The following ZRANB3 variants were observed in gnomAD, a reference collection of about 807,000 sequenced individuals.
ZRANB3 encodes the protein zinc finger RANBP2-type containing 3.
Under a neutral mutation model 133.8 loss-of-function variants are expected in ZRANB3, and 125 were observed. The ratio of observed to expected loss-of-function variants is 0.93; its 90% confidence interval spans 0.81 to 1.08. The LOEUF (loss-of-function observed/expected upper bound fraction) is 1.08. ZRANB3 is among the 50% of genes least tolerant of loss of function. ZRANB3 has a pLI of 0.00. For synonymous variants in ZRANB3, 387 were observed against 432.7 expected (o/e 0.89, Z 1.31); for missense variants, 1,229 against 1,275.5 (o/e 0.96, Z 0.56).
intron 2 of ZRANB3, among the ~76,000 whole-genome samples, chr2:135,430,054 T>A (rs1390824758): frequency 6.6e-6 from 1 of 151,978 alleles, no homozygotes; most frequent in Non-Finnish European, 1.5e-5. Context: ...TGCACGCCTG[T>A]GGTCCCAGCT....
chr2:135,505,319 T>C (rs1484820613), intron 1 of ZRANB3, among the ~76,000 whole-genome samples: 2 of 152,168 alleles, frequency 1.3e-5, no homozygotes, highest in African/African-American at 4.8e-5. Flanking sequence ...CTCACGCCTG[T>C]AATCCTAGCA....
intron 2 of ZRANB3, among the ~76,000 whole-genome samples, chr2:135,480,992 A>G (rs1691770791): frequency 1.3e-5 from 2 of 150,796 alleles, no homozygotes; most frequent in African/African-American, 2.5e-5. Flanking sequence ...TATGTGCCAC[A>G]TTTTCTTAAT....
intron 1 of ZRANB3, among the ~76,000 whole-genome samples, chr2:135,523,503 G>C (rs546274870): frequency 6.6e-6 from 1 of 152,180 alleles, no homozygotes; most frequent in South Asian, 2.1e-4. Flanking sequence ...TTTATTTCAG[G>C]ACTCTAGCAT....
At position 135,230,655 on chromosome 2, in the gene ZRANB3, G is replaced by C; in HGVS notation, c.1812C>G (p.Leu604=). 1 of 1,613,752 alleles carries C rather than the reference G, an allele frequency of 6.2e-7. No individual in the cohort carries two copies. Among genetic ancestry groups the C allele is most frequent in the Non-Finnish European group, 8.5e-7 (1 of 1,179,832 alleles). Reference sequence around the variant, plus strand: ...CCTTGGCCTCCTGTACACTTTCCACGAGTGGAGTTCGGATTTGCTTGGACT... The same window carrying C: ...CCTTGGCCTCCTGTACACTTTCCACCAGTGGAGTTCGGATTTGCTTGGACT... The part of the protein sequence containing the change: ...PSQSKQIRTP[L]VESVQEAKAQ... The change falls in exon 13 of 21, where the codon CTC becomes CTG. Residue 604 remains leucine, a synonymous_variant. Coordinates refer to ENST00000264159, the MANE Select transcript of ZRANB3 (RefSeq NM_032143.4).
At position 135,272,936 on chromosome 2, in the gene ZRANB3, C is replaced by T. The variant is rs112369682; in HGVS notation, c.1087-1049G>A. On this transcript the variant is annotated intron_variant, in intron 9 of 20. Transcript: ENST00000264159. Reference sequence around the variant, plus strand: ...CGGTGTCTCACTTCTGCAATCCCAGCACTTTGGGAGGCCGAGGAGGATGGA... The same window carrying T: ...CGGTGTCTCACTTCTGCAATCCCAGTACTTTGGGAGGCCGAGGAGGATGGA... Among the ~76,000 whole-genome samples, 450 of 152,046 alleles carry T rather than the reference C, an allele frequency of 3.0e-3. 3 individuals carry two copies. The highest frequency in any genetic ancestry group is 0.01 in the African/African-American group (419 of 41,492).
intron 3 of ZRANB3, chr2:135,355,249 T>A (rs1433932267): frequency 1.0e-6 from 1 of 985,320 alleles, no homozygotes; most frequent in African/African-American, 1.7e-5. Context: ...ATAATTAGTA[T>A]GTTTCCGTGT....
chr2:135,305,503 G>A (rs566496393), intron 8 of ZRANB3, among the ~76,000 whole-genome samples: 6 of 152,214 alleles, frequency 3.9e-5, no homozygotes, highest in East Asian at 3.9e-4. Context: ...AACATTTAAC[G>A]TTATGTTTTA....
intron 1 of ZRANB3, among the ~76,000 whole-genome samples, chr2:135,504,836 G>A (rs1311110472): frequency 1.3e-5 from 2 of 151,902 alleles, no homozygotes; most frequent in Non-Finnish European, 2.9e-5. Context: ...TAAAATAAGG[G>A]ATGAATCTGC....
intron 2 of ZRANB3, among the ~76,000 whole-genome samples, chr2:135,394,895 T>C (rs545856337): frequency 1.3e-4 from 20 of 148,160 alleles, no homozygotes; most frequent in African/African-American, 4.0e-4. Flanking sequence ...TGAGGCAGGA[T>C]TGCTTGAACG....
intron 2 of ZRANB3, among the ~76,000 whole-genome samples, chr2:135,501,446 A>G (rs1692939878): frequency 6.6e-6 from 1 of 152,180 alleles, no homozygotes; most frequent in Non-Finnish European, 1.5e-5. Context: ...TTTATCAGAA[A>G]CAAGAACATT....
At chr2:135,428,247 A>G (rs1037133338) in intron 2 of ZRANB3, among the ~76,000 whole-genome samples, 2 of 152,020 alleles carry the variant, frequency 1.3e-5, no homozygotes, top group African/African-American at 2.4e-5. Context: ...GTTCAAGACC[A>G]GCCTGGCCAA....
intron 12 of ZRANB3, among the ~76,000 whole-genome samples, chr2:135,246,532 T>TA (rs1322974004): frequency 6.6e-6 from 1 of 152,212 alleles, no homozygotes; most frequent in East Asian, 1.9e-4. Flanking sequence ...CCAAAAATGT[T>TA]AGATTCATCA....
chr2:135,273,183 C>CAA (rs1330250618), intron 9 of ZRANB3, among the ~76,000 whole-genome samples: 1 of 78,996 alleles, frequency 1.3e-5, no homozygotes. Context: ...GAGACTGTCT[C>CAA]AAAAAAAAAA....
intron 17 of ZRANB3, among the ~76,000 whole-genome samples, chr2:135,212,279 C>G (rs1694124411): frequency 6.6e-6 from 1 of 152,160 alleles, no homozygotes; most frequent in South Asian, 2.1e-4. Context: ...TTCTCTGGCC[C>G]CACCTCCAAC....
chr2:135,435,148 C>T (rs374500638), intron 2 of ZRANB3, among the ~76,000 whole-genome samples: 3 of 152,084 alleles, frequency 2.0e-5, no homozygotes, highest in African/African-American at 7.2e-5. Context: ...CTCCCACCCT[C>T]CCCCTTCGAG....
intron 2 of ZRANB3, among the ~76,000 whole-genome samples, chr2:135,412,201 T>C (rs1041066815): frequency 6.6e-6 from 1 of 152,156 alleles, no homozygotes; most frequent in Non-Finnish European, 1.5e-5. Context: ...TTTTTTAGCA[T>C]ATAATTCAAT....
intron 3 of ZRANB3, among the ~76,000 whole-genome samples, chr2:135,381,769 T>A (rs1345815761): frequency 1.3e-5 from 2 of 152,152 alleles, no homozygotes; most frequent in African/African-American, 4.8e-5. Context: ...CCAACAGACC[T>A]GCAGCTGAGG....
intron 2 of ZRANB3, among the ~76,000 whole-genome samples, chr2:135,404,903 T>G (rs1403721846): frequency 6.6e-6 from 1 of 152,172 alleles, no homozygotes; most frequent in African/African-American, 2.4e-5. Flanking sequence ...AGGAAGAAAC[T>G]GCATCAACTA....
At chr2:135,519,122 T>A (rs1346703561) in intron 1 of ZRANB3, among the ~76,000 whole-genome samples, 6 of 151,666 alleles carry the variant, frequency 4.0e-5, no homozygotes, top group Non-Finnish European at 8.8e-5. Context: ...TAGGTTGGGG[T>A]GGGATAGAAG....
Sources: gnomAD v4.1 joint callset for allele counts (sites outside exome capture counted in the v4.1 genomes callset) on GRCh38, gnomAD v4.1.1 for gene constraint, MANE v1.5 for transcripts, NCBI Gene and HGNC (gene_info 2026-07-23, HGNC 2026-07-21) for gene names.